RIMS2: variants seen among roughly 807,000 people sequenced by gnomAD.
RIMS2 encodes the protein regulating synaptic membrane exocytosis protein 2.
Under a neutral mutation model 174.4 loss-of-function variants are expected in RIMS2, and 59 were observed. The observed-to-expected ratio is 0.34, with a 90% CI of 0.27 to 0.42. The LOEUF (loss-of-function observed/expected upper bound fraction) is 0.42. Among genes scored for constraint, RIMS2 ranks in the 10% least tolerant of loss-of-function variants. The pLI is 1.00. For missense variants in RIMS2, 1,620 were observed against 1,666.3 expected (o/e 0.97, Z 0.48); for synonymous variants, 606 against 572.5 (o/e 1.06, Z -0.84).
At chr8:103,516,616 A>G (rs1002334128) in intron 1 of RIMS2, among the ~76,000 whole-genome samples, 4 of 152,164 alleles carry the variant, frequency 2.6e-5, no homozygotes, top group East Asian at 3.8e-4. Flanking sequence ...TTTATATCCT[A>G]TGTGGGACAT....
At chr8:104,209,903 T>C (rs1183344983) in intron 19 of RIMS2, among the ~76,000 whole-genome samples, 1 of 152,074 alleles carries the variant, frequency 6.6e-6, no homozygotes, top group Non-Finnish European at 1.5e-5. Context: ...AAAATGAAAT[T>C]GAGTCTATAA....
At chr8:103,936,836 C>T (rs983340094) in intron 13 of RIMS2, 114 bp downstream of exon 15, 1 of 777,430 alleles carries the variant, frequency 1.3e-6, no homozygotes, top group Admixed American at 2.9e-5. Flanking sequence ...TGGCTCATGC[C>T]TGTAATCTCA....
intron 1 of RIMS2, among the ~76,000 whole-genome samples, chr8:103,573,352 C>T (rs2092979192): frequency 6.6e-6 from 1 of 152,062 alleles, no homozygotes; most frequent in Admixed American, 6.5e-5. Context: ...GCATGAGCTA[C>T]CACAGGTGGC....
intron 3 of RIMS2, among the ~76,000 whole-genome samples, chr8:103,826,627 C>T (rs1346537566): frequency 6.6e-6 from 1 of 150,988 alleles, no homozygotes; most frequent in Admixed American, 6.6e-5. Flanking sequence ...AAATCCTCCA[C>T]CTTTGTTCTT....
At chr8:104,129,483 C>CA (rs2098457476) in intron 19 of RIMS2, among the ~76,000 whole-genome samples, 1 of 152,212 alleles carries the variant, frequency 6.6e-6, no homozygotes, top group Non-Finnish European at 1.5e-5. Context: ...ATAATCTAAA[C>CA]ATAACCTGTG....
intron 1 of RIMS2, among the ~76,000 whole-genome samples, chr8:103,598,385 AG>A (rs2094557532): frequency 6.6e-6 from 1 of 152,230 alleles, no homozygotes; most frequent in Non-Finnish European, 1.5e-5. Context: ...TGAGAGACTA[AG>A]ATGAATGCAT....
chr8:103,971,479 A>G (rs2092865988), intron 15 of RIMS2, among the ~76,000 whole-genome samples: 1 of 152,110 alleles, frequency 6.6e-6, no homozygotes, highest in African/African-American at 2.4e-5. Context: ...CATATTTAAT[A>G]TTTGACCTAC....
At chr8:104,041,291 T>C in intron 19 of RIMS2, 35 bp from the exon 22 acceptor site, 1 of 655,406 alleles carries the variant, frequency 1.5e-6, no homozygotes, top group East Asian at 2.7e-5. Flanking sequence ...CCATCTCCTT[T>C]GTCTATGTCT....
chr8:104,101,054 T>C (rs2097883196), intron 19 of RIMS2, among the ~76,000 whole-genome samples: 1 of 143,792 alleles, frequency 7.0e-6, no homozygotes, highest in South Asian at 2.1e-4. Context: ...ATATATTACA[T>C]ATGTAATATA....
intron 4 of RIMS2, among the ~76,000 whole-genome samples, chr8:103,899,505 G>T (rs1031513872): frequency 6.6e-6 from 1 of 151,760 alleles, no homozygotes; most frequent in Non-Finnish European, 1.5e-5. Context: ...GTGTCTGTTG[G>T]TTGCATAAAT....
chr8:103,589,464 T>C (rs1177984285), intron 1 of RIMS2, among the ~76,000 whole-genome samples: 2 of 151,632 alleles, frequency 1.3e-5, no homozygotes, highest in African/African-American at 4.8e-5. Context: ...AAGGGAACCC[T>C]TGTACACTGT....
chr8:103,918,378 A>T, intron 8 of RIMS2, 63 bp from the exon 12 acceptor site: 4 of 1,018,322 alleles, frequency 3.9e-6, no homozygotes, highest in Non-Finnish European at 4.4e-6. Context: ...AATAATAAAA[A>T]ATATGAGTTG....
chr8:104,216,170 T>C (rs2099128870), intron 19 of RIMS2, among the ~76,000 whole-genome samples: 1 of 152,154 alleles, frequency 6.6e-6, no homozygotes. Context: ...AGACATTCAG[T>C]GAGAGTTTTA....
At chr8:103,893,117 A>C (rs1001596417) in intron 4 of RIMS2, among the ~76,000 whole-genome samples, 1 of 152,082 alleles carries the variant, frequency 6.6e-6, no homozygotes, top group Non-Finnish European at 1.5e-5. Context: ...AGAGGGATAG[A>C]GTAGATTCAT....
chr8:103,732,138 A>G (rs2097606057), intron 2 of RIMS2, among the ~76,000 whole-genome samples: 3 of 152,208 alleles, frequency 2.0e-5, no homozygotes, highest in African/African-American at 7.2e-5. Context: ...TGGTCACTGT[A>G]GCCATATCTA....
At chr8:103,697,443 T>C in intron 2 of RIMS2, 147 bp downstream of exon 4, 1 of 705,660 alleles carries the variant, frequency 1.4e-6, no homozygotes, top group South Asian at 1.7e-5. Context: ...ACACGATGGC[T>C]CACGCCTGTA....
intron 16 of RIMS2, chr8:103,977,162 T>C (rs920523813): frequency 7.2e-5 from 11 of 152,194 alleles, no homozygotes; most frequent in African/African-American, 2.7e-4. Flanking sequence ...ATTTATTATG[T>C]TTGAAGGATA....
At chr8:103,794,812 C>T (rs931303084) in intron 3 of RIMS2, among the ~76,000 whole-genome samples, 2 of 152,202 alleles carry the variant, frequency 1.3e-5, no homozygotes, top group African/African-American at 4.8e-5. Context: ...GACATTTATG[C>T]AGCCAACAGA....
intron 1 of RIMS2, among the ~76,000 whole-genome samples, chr8:103,544,018 C>T (rs938338057): frequency 9.9e-5 from 15 of 152,142 alleles, no homozygotes; most frequent in Non-Finnish European, 1.8e-4. Flanking sequence ...AAGGAAACAA[C>T]AGAGTGAAGA....
Sources: allele counts gnomAD v4.1 joint callset (sites outside exome capture counted in the v4.1 genomes callset), GRCh38; gene constraint gnomAD v4.1.1; transcripts MANE v1.5; gene names NCBI Gene and HGNC (gene_info 2026-07-23, HGNC 2026-07-21).